Variants in STARD13 observed in about 807,000 individuals in gnomAD.
The protein encoded by STARD13 is stAR-related lipid transfer protein 13.
Under a neutral mutation model 106.4 loss-of-function variants are expected in STARD13, and 62 were observed. That is an observed-to-expected ratio of 0.58 (90% CI 0.48 to 0.72). The LOEUF is 0.72. Among genes scored for constraint, STARD13 ranks in the 30% least tolerant of loss-of-function variants. STARD13 has a pLI of 0.00. For missense variants in STARD13, 1,387 were observed against 1,424.0 expected, an observed-to-expected ratio of 0.97 and a Z score of 0.42; for synonymous variants, 565 against 553.0, an observed-to-expected ratio of 1.02 and a Z score of -0.31.
At chr13:33,148,819 A>G (rs1011510414) in intron 3 of STARD13, among the ~76,000 whole-genome samples, 3 of 152,246 alleles carry the variant, frequency 2.0e-5, no homozygotes, top group Admixed American at 1.3e-4. Context: ...AAAACAACTG[A>G]TATGTCAGGT....
chr13:33,226,350 A>G (rs770098160), intron 1 of STARD13, among the ~76,000 whole-genome samples: 1 of 152,168 alleles, frequency 6.6e-6, no homozygotes, highest in Non-Finnish European at 1.5e-5. Flanking sequence ...GGCTCATAAA[A>G]GTACAGGAAG....
chr13:33,661,891 A>G, the STARD13 span, among the ~76,000 whole-genome samples: 1 of 148,578 alleles, frequency 6.7e-6, no homozygotes, highest in African/African-American at 2.5e-5. Context: ...AATCAGGAAT[A>G]TGATCTCCTG....
intron 1 of STARD13, among the ~76,000 whole-genome samples, chr13:33,294,656 A>T (rs1273297119): frequency 6.6e-6 from 1 of 152,214 alleles, no homozygotes; most frequent in Admixed American, 6.5e-5. Context: ...TGAAAATAAA[A>T]GCAATTGCTT....
At chr13:33,265,255 G>A (rs979309908) in intron 1 of STARD13, among the ~76,000 whole-genome samples, 2 of 152,114 alleles carry the variant, frequency 1.3e-5, no homozygotes, top group Non-Finnish European at 2.9e-5. Context: ...TTTTTATTCA[G>A]TATCAGTGGG....
upstream of STARD13, chr13:33,285,868 G>T: frequency 1.0e-6 from 1 of 960,748 alleles, no homozygotes. Flanking sequence ...TTTGCAGTCA[G>T]CCCTAAGCCC....
the STARD13 span, among the ~76,000 whole-genome samples, chr13:33,439,994 G>C: frequency 1.3e-5 from 2 of 152,166 alleles, no homozygotes; most frequent in African/African-American, 4.8e-5. Flanking sequence ...TACAATACAG[G>C]CCTTGTGCAG....
chr13:33,163,157 T>A (rs923696894), intron 3 of STARD13, among the ~76,000 whole-genome samples: 1 of 152,134 alleles, frequency 6.6e-6, no homozygotes, highest in East Asian at 1.9e-4. Flanking sequence ...TTCACTACCA[T>A]GAGAACAGTA....
intron 3 of STARD13, among the ~76,000 whole-genome samples, chr13:33,155,775 C>G (rs1477895249): frequency 3.3e-5 from 5 of 152,132 alleles, no homozygotes; most frequent in Admixed American, 3.3e-4. Context: ...GTGAGGCAGA[C>G]AGCTAGCCAG....
the STARD13 span, among the ~76,000 whole-genome samples, chr13:33,666,991 T>C: frequency 6.6e-6 from 1 of 152,234 alleles, no homozygotes; most frequent in African/African-American, 2.4e-5. Context: ...GAAGACAGAA[T>C]TTACTTCCGT....
chr13:33,507,310 A>G, the STARD13 span, among the ~76,000 whole-genome samples: 1 of 152,134 alleles, frequency 6.6e-6, no homozygotes, highest in Non-Finnish European at 1.5e-5. Flanking sequence ...AACTCTTCTC[A>G]ATAATTCTTT....
At chr13:33,294,941 G>A (rs557190468) in intron 1 of STARD13, among the ~76,000 whole-genome samples, 1 of 152,256 alleles carries the variant, frequency 6.6e-6, no homozygotes, top group Admixed American at 6.5e-5. Context: ...ATTACCCAGT[G>A]AGAGGCACAC....
At chr13:33,408,168 T>C in the STARD13 span, among the ~76,000 whole-genome samples, 6 of 152,162 alleles carry the variant, frequency 3.9e-5, no homozygotes, top group African/African-American at 1.4e-4. Context: ...TAACTACGCA[T>C]AACATAAAAT....
the STARD13 span, among the ~76,000 whole-genome samples, chr13:33,370,855 A>C: frequency 2.6e-5 from 4 of 151,990 alleles, no homozygotes; most frequent in Non-Finnish European, 5.9e-5. Flanking sequence ...TCCTGACCTC[A>C]GGTGATCCTC....
At chr13:33,632,702 C>T in the STARD13 span, among the ~76,000 whole-genome samples, 2 of 152,074 alleles carry the variant, frequency 1.3e-5, no homozygotes, top group African/African-American at 4.8e-5. Context: ...TTTTACTCTG[C>T]TAGAAAAATG....
At chr13:33,599,823 T>A in the STARD13 span, among the ~76,000 whole-genome samples, 1 of 152,218 alleles carries the variant, frequency 6.6e-6, no homozygotes, top group Non-Finnish European at 1.5e-5. Context: ...TACTTCTCAA[T>A]ATGAATAAAT....
Position 33,112,886 on chromosome 13 carries a change from A to G in STARD13, c.2327T>C (p.Leu776Pro), listed in dbSNP as rs768174173. ...CTCCCTGTTCTCATCGGCCAGTAGC[A>G]GGATGGCAGCCTGCACGGCCTGCAG... ...QRLQAVQAAI[L>P]LLADENREVL... The change falls in exon 9 of 14, where the codon CTG becomes CCG. Residue 776 changes from leucine (L) to proline (P), a missense_variant. Leu to Pro is a moderately conservative substitution (Grantham distance 98, BLOSUM62 -3). Coordinates refer to ENST00000336934, the MANE Select transcript of STARD13 (RefSeq NM_178006.4). 2 of 1,613,608 alleles carry G rather than the reference A, an allele frequency of 1.2e-6. No individual in the cohort carries two copies. Among genetic ancestry groups the G allele is most frequent in the South Asian group, 1.1e-5 (1 of 90,930 alleles).
chr13:33,464,803 C>G, the STARD13 span, among the ~76,000 whole-genome samples: 1 of 152,210 alleles, frequency 6.6e-6, no homozygotes, highest in East Asian at 1.9e-4. Context: ...GAGCTAAGAT[C>G]ATGCCATGGG....
chr13:33,673,668 G>C, the STARD13 span, among the ~76,000 whole-genome samples: 1 of 150,740 alleles, frequency 6.6e-6, no homozygotes, highest in Admixed American at 6.6e-5. Context: ...TCAGCCTCCT[G>C]ATTAGCTGGA....
chr13:33,154,585 A>T (rs1439794880), intron 3 of STARD13, among the ~76,000 whole-genome samples: 1 of 152,176 alleles, frequency 6.6e-6, no homozygotes, highest in Non-Finnish European at 1.5e-5. Flanking sequence ...TATTCAATAA[A>T]AAGTGATGGC....
Sources: gnomAD v4.1 joint callset for allele counts (sites outside exome capture counted in the v4.1 genomes callset) on GRCh38, gnomAD v4.1.1 for gene constraint, MANE v1.5 for transcripts, NCBI Gene and HGNC (gene_info 2026-07-23, HGNC 2026-07-21) for gene names.